The following ZNF454 variants were observed in gnomAD, a reference collection of about 807,000 sequenced individuals.
ZNF454 encodes zinc finger protein 454.
ZNF454 carries 30 observed loss-of-function variants against 48.2 expected under a neutral mutation model. The ratio of observed to expected loss-of-function variants is 0.62; its 90% CI spans 0.47 to 0.84. ZNF454 has a LOEUF of 0.84. Ranked by LOEUF, ZNF454 falls within the 40% of genes least tolerant of loss-of-function variation. The pLI is 0.00. For synonymous variants in ZNF454, 204 were observed against 211.4 expected, an observed-to-expected ratio of 0.97 and a Z score of 0.30; for missense variants, 510 against 623.1, an observed-to-expected ratio of 0.82 and a Z score of 1.93.
At chr5:178,984,146 T>C in the ZNF454 span, among the ~76,000 whole-genome samples, 1 of 151,880 alleles carries the variant, frequency 6.6e-6, no homozygotes, top group South Asian at 2.1e-4. Flanking sequence ...CAAAATAAGT[T>C]TGGAAGTTCC....
the ZNF454 span, among the ~76,000 whole-genome samples, chr5:178,983,926 G>A: frequency 2.0e-5 from 3 of 152,214 alleles, no homozygotes; most frequent in African/African-American, 4.8e-5. Flanking sequence ...CTGATTGGGG[G>A]CAGGGGTGGA....
At chr5:178,957,160 G>T in intron 4 of ZNF454, among the ~76,000 whole-genome samples, 1 of 151,982 alleles carries the variant, frequency 6.6e-6, no homozygotes. Context: ...GGGATTACAG[G>T]CGTGAGCCAC....
At position 178,964,759 on chromosome 5, in the gene ZNF454, C is replaced by G. The variant is rs747965316; in HGVS notation, c.355C>G (p.His119Asp). 10 of 1,614,068 alleles carry G rather than the reference C, an allele frequency of 6.2e-6. No homozygotes were observed. In the African/African-American group the frequency reaches 1.3e-4, roughly 22 times the overall value. Reference protein sequence around the residue: ...TIKERFSSSSHWKCASLLEWQ... With the variant: ...TIKERFSSSSDWKCASLLEWQ... ...AAAGGAAAGATTCAGTAGCAGTAGT[C>G]ACTGGAAGTGTGCTAGCCTGCTGGA... The change falls in exon 5 of 5, where the codon CAC becomes GAC. Residue 119 changes from histidine (H) to aspartate (D), a missense_variant. Around this residue, in one of 3 missense-constraint regions of ZNF454, gnomAD observed 354 missense variants for 408.9 expected, o/e 0.87. Transcript: ENST00000519564.
chr5:178,972,264 T>C, the ZNF454 span, among the ~76,000 whole-genome samples: 1 of 152,210 alleles, frequency 6.6e-6, no homozygotes, highest in South Asian at 2.1e-4. Flanking sequence ...ATTTTAAATA[T>C]ATACACAATA....
At chr5:178,977,256 C>A in the ZNF454 span, 1 of 276,026 alleles carries the variant, frequency 3.6e-6, no homozygotes, top group Non-Finnish European at 7.7e-6. Context: ...GTATTTGGAG[C>A]TGGGGCCTTT....
chr5:178,946,589 G>C lies in ZNF454; in HGVS notation c.160+104G>C. On this transcript the variant is annotated intron_variant, in intron 3 of 4. Coordinates refer to ENST00000519564, the MANE Select transcript of ZNF454 (RefSeq NM_001178089.3). The surrounding 1 kb of genome is among the most constrained non-coding windows in gnomAD (Gnocchi z 4.5). ...GTCGGTTGGACCAACTGAGGACGCT[G>C]TCTTCAAGGGTGCCATTAATTTTAC... is the stretch of plus-strand genomic sequence containing the variant. 2.8e-6 allele frequency: 4 copies of C among 1,440,964 alleles called. No homozygotes were observed. Among genetic ancestry groups the C allele is most frequent in the Non-Finnish European group, 3.7e-6 (4 of 1,076,628 alleles). 89.3% of individuals were successfully genotyped at this position (1,440,964 alleles called of 1,614,324 possible). A position where few individuals can be genotyped will look rare whatever the true frequency, so the allele number is the denominator to read the frequency against.
At chr5:178,947,031 G>T in intron 4 of ZNF454, 45 bp downstream of exon 4, 1 of 1,549,932 alleles carries the variant, frequency 6.5e-7, no homozygotes. Context: ...GCCCTGCTGG[G>T]TAGGGAAGGC....
At chr5:178,980,362 A>G in the ZNF454 span, 1 of 154,394 alleles carries the variant, frequency 6.5e-6, no homozygotes, top group Non-Finnish European at 1.5e-5. The surrounding 1 kb of genome is among the most constrained non-coding windows in gnomAD (Gnocchi z 4.3). Context: ...CTGCAGCCCA[A>G]GCCTCTTCCT....
At chr5:178,960,220 G>A (rs551649273) in intron 4 of ZNF454, among the ~76,000 whole-genome samples, 2 of 150,232 alleles carry the variant, frequency 1.3e-5, no homozygotes, top group South Asian at 4.2e-4. Context: ...CAAAGCACTG[G>A]GATTACAAGC....
chr5:178,989,552 A>G, the ZNF454 span: 1 of 1,004,314 alleles, frequency 1.0e-6, no homozygotes, highest in Non-Finnish European at 1.5e-6. Context: ...CAGGTGAGCT[A>G]GGAGTGGCCA....
At chr5:178,972,605 CA>C in the ZNF454 span, among the ~76,000 whole-genome samples, 1 of 152,154 alleles carries the variant, frequency 6.6e-6, no homozygotes, top group African/African-American at 2.4e-5. Flanking sequence ...GGTCTTTCTC[CA>C]AAGAAGAGAG....
the ZNF454 span, chr5:178,989,027 G>A: frequency 3.6e-5 from 58 of 1,613,976 alleles, 1 homozygote; most frequent in Admixed American, 4.5e-4. Flanking sequence ...AGGGCAGAGC[G>A]CCTGGTGCAT....
In ZNF454 at chr5:178,946,217, T is replaced by C. The variant is rs938770906; in HGVS notation, c.34-142T>C. 1 of 1,091,962 alleles carries C rather than the reference T, an allele frequency of 9.2e-7. No homozygotes were observed. Among genetic ancestry groups the C allele is most frequent in the African/African-American group, 1.6e-5 (1 of 62,270 alleles). 67.6% of individuals were successfully genotyped at this position (1,091,962 alleles called of 1,614,324 possible). On this transcript the variant is annotated intron_variant, in intron 2 of 4. Transcript: ENST00000519564. The surrounding 1 kb of genome is among the most constrained non-coding windows in gnomAD (Gnocchi z 4.5). The stretch of plus-strand genomic sequence containing the variant: ...GCCCCTAGGAGACCCTGAAGAGTGA[T>C]GAACTTGTCACAGAACGCCAGCTCC...
chr5:178,988,228 G>T, the ZNF454 span, among the ~76,000 whole-genome samples: 2 of 152,214 alleles, frequency 1.3e-5, no homozygotes, highest in African/African-American at 4.8e-5. This position sits in a 1 kb window ranked among gnomAD's most constrained non-coding sequence, Gnocchi z 6.0. Flanking sequence ...AAATTGGAAT[G>T]ACTTGAACAA....
chr5:178,954,086 C>G (rs1239941106), intron 4 of ZNF454, among the ~76,000 whole-genome samples: 1 of 152,038 alleles, frequency 6.6e-6, no homozygotes, highest in Non-Finnish European at 1.5e-5. Flanking sequence ...TGGCAAAACC[C>G]CATCTCTATA....
chr5:178,981,436 G>A, the ZNF454 span: 55 of 555,978 alleles, frequency 9.9e-5, no homozygotes, highest in Non-Finnish European at 1.5e-4. This position sits in a 1 kb window ranked among gnomAD's most constrained non-coding sequence, Gnocchi z 5.1. Context: ...CATGGGAAGC[G>A]AGTCTGGTCT....
At chr5:178,950,973 C>T (rs952851503) in intron 4 of ZNF454, among the ~76,000 whole-genome samples, 1 of 151,816 alleles carries the variant, frequency 6.6e-6, no homozygotes, top group East Asian at 1.9e-4. Context: ...TATTCTCCTG[C>T]CTCAGCCTCC....
At chr5:178,983,729 G>A in the ZNF454 span, among the ~76,000 whole-genome samples, 5 of 152,326 alleles carry the variant, frequency 3.3e-5, no homozygotes, top group African/African-American at 9.6e-5. Context: ...AGCTGATGCC[G>A]AGGAGTACTG....
the ZNF454 span, chr5:178,978,832 A>G: frequency 6.6e-6 from 1 of 152,326 alleles, no homozygotes; most frequent in Non-Finnish European, 1.5e-5. Context: ...TTCCACACAT[A>G]GAAGAAAACC....
Sources: gnomAD v4.1 joint callset for allele counts (sites outside exome capture counted in the v4.1 genomes callset) on GRCh38, gnomAD v4.1.1 for gene constraint, gnomAD v4.1.1 regional missense constraint, Gnocchi (gnomAD v3.1) non-coding constraint, MANE v1.5 for transcripts, NCBI Gene and HGNC (gene_info 2026-07-23, HGNC 2026-07-21) for gene names.